Variants in SLC1A2 observed in about 807,000 individuals in gnomAD.
SLC1A2 encodes solute carrier family 1 member 2.
Under a neutral mutation model 48.8 loss-of-function variants are expected in SLC1A2, and 15 were observed. That is an observed-to-expected ratio of 0.31 (90% CI 0.21 to 0.47). The LOEUF is 0.47. Among genes scored for constraint, SLC1A2 ranks in the 20% least tolerant of loss-of-function variants. The pLI, the probability that SLC1A2 is intolerant of heterozygous loss-of-function variation, is 0.99. For missense variants in SLC1A2, 502 were observed against 730.5 expected (o/e 0.69, Z 3.61); for synonymous variants, 279 against 272.6 (o/e 1.02, Z -0.23).
chr11:35,376,502 T>G (rs2135186001), intron 1 of SLC1A2, among the ~76,000 whole-genome samples: 1 of 152,280 alleles, frequency 6.6e-6, no homozygotes, highest in Admixed American at 6.5e-5. Flanking sequence ...TTCCAATTCT[T>G]CTATAAGTCT....
intron 6 of SLC1A2, among the ~76,000 whole-genome samples, chr11:35,300,472 C>T (rs1006589306): frequency 1.3e-5 from 2 of 152,212 alleles, no homozygotes; most frequent in Admixed American, 6.5e-5. Flanking sequence ...AATTAGTGCT[C>T]TTAATAAAAG....
At chr11:35,357,979 T>C (rs1038250646) in intron 1 of SLC1A2, among the ~76,000 whole-genome samples, 1 of 152,112 alleles carries the variant, frequency 6.6e-6, no homozygotes, top group Non-Finnish European at 1.5e-5. Context: ...ACCCCGTCTC[T>C]ACCAAAAATA....
At chr11:35,383,735 A>G in intron 1 of SLC1A2, among the ~76,000 whole-genome samples, 1 of 152,224 alleles carries the variant, frequency 6.6e-6, no homozygotes, top group Non-Finnish European at 1.5e-5. Flanking sequence ...ACCCAAGAGC[A>G]AATACCCTGT....
In SLC1A2 at chr11:35,277,249, G is replaced by A. The variant is rs536018559; in HGVS notation, c.1421+3618C>T. ...GTCTTCTCCAACCGTTCCAACTCTGGGCCTCTCTGCTCCTCCTCCCCACTG... is the reference window on the plus strand; with the variant it reads ...GTCTTCTCCAACCGTTCCAACTCTGAGCCTCTCTGCTCCTCCTCCCCACTG... On this transcript the variant is annotated intron_variant, in intron 9 of 10. Coordinates refer to ENST00000278379, the MANE Select transcript of SLC1A2 (RefSeq NM_004171.4). Among the ~76,000 whole-genome samples, 6 of 152,206 alleles carry A rather than the reference G, an allele frequency of 3.9e-5. No homozygotes were observed. The South Asian group carries it at 1.2e-3, about 32-fold the overall frequency.
intron 1 of SLC1A2, among the ~76,000 whole-genome samples, chr11:35,358,357 G>T (rs969106701): frequency 9.9e-5 from 15 of 152,106 alleles, no homozygotes; most frequent in African/African-American, 3.4e-4. Flanking sequence ...GAACTTTTAT[G>T]ATCATAATAT....
Position 35,292,378 on chromosome 11 carries a change from A to C in SLC1A2, c.1000T>G (p.Leu334Val). 1 of 1,614,034 alleles carries C rather than the reference A, an allele frequency of 6.2e-7. No homozygotes were observed. The highest frequency in any genetic ancestry group is 1.1e-5 in the South Asian group (1 of 91,080). ...TTCCTGGTCACTACAAAGTAAATCA[A>C]GGGGAGAAAGATGCCCCCGTGGATG... ...LIIHGGIFLP[L>V]IYFVVTRKNP... is the part of the protein sequence containing the mutation. The change falls in exon 7 of 11, where the codon TTG becomes GTG. Residue 334 changes from leucine (L) to valine (V), a missense_variant. Leu to Val is a conservative substitution (Grantham distance 32). Transcript: ENST00000278379.
intron 1 of SLC1A2, among the ~76,000 whole-genome samples, chr11:35,319,765 AC>A (rs1433427937): frequency 5.9e-5 from 9 of 152,318 alleles, no homozygotes; most frequent in African/African-American, 2.2e-4. Flanking sequence ...TTAGGCCATA[AC>A]AAAATGTCCC....
chr11:35,257,329 T>C lies in SLC1A2; in HGVS notation c.*3565A>G, dbSNP rs1239674199. ...GAGCTAGGCATTTTGGCACCCCTTC[T>C]TTCAGCTTTCATGAATATCCAGGCT... On this transcript the variant is annotated 3_prime_UTR_variant, in exon 11 of 11. Coordinates refer to ENST00000278379, the MANE Select transcript of SLC1A2 (RefSeq NM_004171.4). 6.6e-6 allele frequency: 1 copy of C among 152,206 alleles called. No homozygotes were observed. The highest frequency in any genetic ancestry group is 1.5e-5 in the Non-Finnish European group (1 of 68,034). The allele number at this position is 152,206 out of a possible 1,614,324, so 9.4% of individuals were successfully genotyped here.
At chr11:35,298,485 C>T (rs1487586786) in intron 6 of SLC1A2, 1 of 152,146 alleles carries the variant, frequency 6.6e-6, no homozygotes, top group African/African-American at 2.4e-5. Context: ...TTATCCAGAA[C>T]CTTTTTACAC....
chr11:35,288,743 T>C (rs1031197503), intron 7 of SLC1A2, among the ~76,000 whole-genome samples: 4 of 151,930 alleles, frequency 2.6e-5, no homozygotes, highest in African/African-American at 9.7e-5. Context: ...AGGCTTTTTG[T>C]CTTAAAAAAC....
At chr11:35,343,806 G>A (rs958075882) in intron 1 of SLC1A2, among the ~76,000 whole-genome samples, 7 of 150,990 alleles carry the variant, frequency 4.6e-5, no homozygotes, top group East Asian at 1.9e-4. Flanking sequence ...ACACACAGAG[G>A]CACACACACA....
At chr11:35,322,782 G>C (rs1852115462) in intron 1 of SLC1A2, 1 of 748,412 alleles carries the variant, frequency 1.3e-6, no homozygotes, top group Non-Finnish European at 2.3e-6. Context: ...ATCAGCTCGA[G>C]CACCAAGAAC....
At chr11:35,327,738 C>T (rs940143919) in intron 1 of SLC1A2, among the ~76,000 whole-genome samples, 3 of 152,120 alleles carry the variant, frequency 2.0e-5, no homozygotes, top group African/African-American at 4.8e-5. Flanking sequence ...AATGACATCC[C>T]GGAGAGGGAA....
At chr11:35,347,624 T>A (rs1486974584) in intron 1 of SLC1A2, among the ~76,000 whole-genome samples, 1 of 152,258 alleles carries the variant, frequency 6.6e-6, no homozygotes, top group African/African-American at 2.4e-5. Context: ...TTGCTTTCAA[T>A]AGTTTGCATT....
rs1312296896 is a variant in SLC1A2 at position 35,255,218 on chromosome 11, C to A, written c.*5676G>T. 1 of 184,372 alleles carries A rather than the reference C, an allele frequency of 5.4e-6. No individual in the cohort carries two copies. Among genetic ancestry groups the A allele is most frequent in the East Asian group, 1.6e-4 (1 of 6,406 alleles). 11.4% of individuals were successfully genotyped at this position (184,372 alleles called of 1,614,324 possible). A position where few individuals can be genotyped will look rare whatever the true frequency, so the allele number is the denominator to read the frequency against. On this transcript the variant is annotated 3_prime_UTR_variant, in exon 11 of 11. Transcript: ENST00000278379. ...TTTGGACAAACAGCAGAGGTGTCCACCATGGGCCATTGCAGCAGTGCCAGA... is the reference window on the plus strand; with the variant it reads ...TTTGGACAAACAGCAGAGGTGTCCAACATGGGCCATTGCAGCAGTGCCAGA...
intron 1 of SLC1A2, among the ~76,000 whole-genome samples, chr11:35,403,629 G>T (rs115306164): frequency 0.012 from 1,786 of 152,196 alleles, 38 homozygotes; most frequent in African/African-American, 0.042. Context: ...TGCCTAAGTC[G>T]CATATCCATA....
At chr11:35,288,746 T>TA (rs1305325726) in intron 7 of SLC1A2, among the ~76,000 whole-genome samples, 1 of 151,624 alleles carries the variant, frequency 6.6e-6, no homozygotes, top group Non-Finnish European at 1.5e-5. Context: ...CTTTTTGTCT[T>TA]AAAAAACCCA....
At chr11:35,395,598 G>A (rs115510752) in intron 1 of SLC1A2, among the ~76,000 whole-genome samples, 2,763 of 151,908 alleles carry the variant, frequency 0.018, 34 homozygotes, top group African/African-American at 0.026. Flanking sequence ...GCAAAGCTCC[G>A]AATATACCTG....
chr11:35,280,863 T>C lies in SLC1A2; in HGVS notation c.1421+4A>G. The C allele has an allele frequency of 1.3e-6, 2 of 1,599,854 alleles. No individual in the cohort carries two copies. Among genetic ancestry groups the C allele is most frequent in the Non-Finnish European group, 1.7e-6 (2 of 1,172,168 alleles). On this transcript the variant is annotated splice_donor_region_variant and intron_variant, in intron 9 of 10. Coordinates refer to ENST00000278379, the MANE Select transcript of SLC1A2 (RefSeq NM_004171.4). Reference sequence around the variant, plus strand: ...CCAGCAGAACCCCATCCACAGACACTTACAGCAGCCAGTCCACAGCCACCA... The same window carrying C: ...CCAGCAGAACCCCATCCACAGACACCTACAGCAGCCAGTCCACAGCCACCA...
Sources: gnomAD v4.1 joint callset for allele counts (sites outside exome capture counted in the v4.1 genomes callset) on GRCh38, gnomAD v4.1.1 for gene constraint, MANE v1.5 for transcripts, NCBI Gene and HGNC (gene_info 2026-07-23, HGNC 2026-07-21) for gene names.